Variants in LRP1B observed in about 807,000 individuals in gnomAD.
The protein encoded by LRP1B is low-density lipoprotein receptor-related protein 1B.
A neutral mutation model predicts 556.6 loss-of-function variants in LRP1B; 217 were observed. The ratio of observed to expected loss-of-function variants is 0.39; its 90% CI spans 0.35 to 0.44. LRP1B has a LOEUF of 0.44. LRP1B is among the 20% of genes least tolerant of loss of function. The pLI is 1.00. For missense variants in LRP1B, 5,053 were observed against 5,620.8 expected (o/e 0.90, Z 3.23); for synonymous variants, 2,047 against 1,865.8 (o/e 1.10, Z -2.50).
chr2:140,517,324 T>A (rs989942775), intron 49 of LRP1B, among the ~76,000 whole-genome samples: 31 of 152,096 alleles, frequency 2.0e-4, no homozygotes, highest in African/African-American at 7.5e-4. Context: ...AAAATAAAGT[T>A]AAAAAATAGA....
intron 15 of LRP1B, among the ~76,000 whole-genome samples, chr2:141,002,042 C>A (rs1697440848): frequency 6.6e-6 from 1 of 151,996 alleles, no homozygotes; most frequent in South Asian, 2.1e-4. Flanking sequence ...TGCCTGTTGG[C>A]AAACTGTGGA....
chr2:141,362,828 A>C (rs896773816), intron 3 of LRP1B, among the ~76,000 whole-genome samples: 1 of 152,094 alleles, frequency 6.6e-6, no homozygotes, highest in East Asian at 1.9e-4. Context: ...AAAAAAAAAA[A>C]AAAAACTTAA....
chr2:141,845,003 T>G (rs2105765493), intron 1 of LRP1B, among the ~76,000 whole-genome samples: 1 of 151,824 alleles, frequency 6.6e-6, no homozygotes. Context: ...TGTCAAAAAC[T>G]TAATCTCTTT....
intron 1 of LRP1B, among the ~76,000 whole-genome samples, chr2:141,918,030 T>G (rs1366332099): frequency 6.6e-6 from 1 of 152,090 alleles, no homozygotes; most frequent in East Asian, 1.9e-4. Context: ...TGAAGGGATA[T>G]CCATGTTATT....
At chr2:140,783,297 T>A (rs1485736653) in intron 32 of LRP1B, among the ~76,000 whole-genome samples, 1 of 152,106 alleles carries the variant, frequency 6.6e-6, no homozygotes. Flanking sequence ...AAATCAGCCC[T>A]TCATGTCTAA....
In LRP1B at chr2:140,525,979, T is replaced by C. The variant is rs1013690028; in HGVS notation, c.7891A>G (p.Thr2631Ala). The C allele has an allele frequency of 2.5e-6, 4 of 1,612,060 alleles. No individual in the cohort carries two copies. Among genetic ancestry groups the C allele is most frequent in the Non-Finnish European group, 3.4e-6 (4 of 1,178,808 alleles). ...DEKNCNNTDCTHFYKLGVKTT... is the reference protein window; with the variant it reads ...DEKNCNNTDCAHFYKLGVKTT... ...TTCACTCCAAGCTTATAGAAATGTG[T>C]GCAGTCTGTGTTATCTAGAAGAAGG... Residue 2631 changes from threonine (T) to alanine (A), a missense_variant, in exon 49 of 91, where the codon ACA (threonine) becomes GCA (alanine). Physicochemically the swap from Thr to Ala is moderately conservative, Grantham distance 58 (BLOSUM62 0). This residue lies in a region of LRP1B where 3,619 missense variants were observed against 3,931.9 expected (regional missense o/e 0.92). Coordinates refer to ENST00000389484, the MANE Select transcript of LRP1B (RefSeq NM_018557.3).
intron 7 of LRP1B, among the ~76,000 whole-genome samples, chr2:141,096,665 A>AGAGAGAGAGG (rs1700324594): frequency 3.1e-5 from 4 of 129,358 alleles, no homozygotes; most frequent in Admixed American, 8.0e-5. Context: ...AGAGAGAGAG[A>AGAGAGAGAGG]GAGAGAGAGA....
At chr2:141,684,024 T>C (rs1691200014) in intron 2 of LRP1B, among the ~76,000 whole-genome samples, 1 of 151,974 alleles carries the variant, frequency 6.6e-6, no homozygotes, top group African/African-American at 2.4e-5. Context: ...ATTGTGGAAC[T>C]GATTGTGGAA....
chr2:140,301,942 C>T (rs1191747570), intron 83 of LRP1B, among the ~76,000 whole-genome samples: 1 of 151,564 alleles, frequency 6.6e-6, no homozygotes, highest in Non-Finnish European at 1.5e-5. Context: ...TATACACATA[C>T]CCTATTTCAA....
intron 90 of LRP1B, 163 bp downstream of exon 90, chr2:140,234,623 T>C: frequency 3.7e-6 from 2 of 536,496 alleles, no homozygotes; most frequent in Non-Finnish European, 6.7e-6. Flanking sequence ...TAATCTTGCA[T>C]AGACAGGACA....
chr2:141,851,118 CT>C (rs869081147), intron 1 of LRP1B, among the ~76,000 whole-genome samples: 1 of 59,172 alleles, frequency 1.7e-5, no homozygotes, highest in Non-Finnish European at 3.4e-5. Context: ...TGTTTTCAGT[CT>C]TTATTATAAA....
intron 2 of LRP1B, among the ~76,000 whole-genome samples, chr2:141,617,654 T>G (rs1185427755): frequency 6.6e-6 from 1 of 152,208 alleles, no homozygotes; most frequent in Non-Finnish European, 1.5e-5. Context: ...CAGTAATAAG[T>G]GTTCAAAGCA....
chr2:140,667,391 A>G (rs1191898234), intron 41 of LRP1B, among the ~76,000 whole-genome samples: 1 of 152,224 alleles, frequency 6.6e-6, no homozygotes, highest in Non-Finnish European at 1.5e-5. Context: ...GTTTACCTAA[A>G]GAGCAGTTGA....
At chr2:141,490,473 G>A (rs1422774560) in intron 2 of LRP1B, among the ~76,000 whole-genome samples, 1 of 151,644 alleles carries the variant, frequency 6.6e-6, no homozygotes, top group East Asian at 1.9e-4. Context: ...AATCCAAAAA[G>A]TATAGGTTAA....
At chr2:140,766,843 A>T (rs1461272241) in intron 35 of LRP1B, among the ~76,000 whole-genome samples, 3 of 95,770 alleles carry the variant, frequency 3.1e-5, no homozygotes, top group African/African-American at 1.5e-4. Flanking sequence ...ATATATATAT[A>T]TTATATATAT....
rs35791983 is a variant in LRP1B at position 140,858,501 on chromosome 2, GGAGA to G, written c.4580-6722_4580-6719del. Among the ~76,000 whole-genome samples the G allele has an allele frequency of 7.1e-3, 999 of 139,930 alleles. 8 individuals carry two copies. Among genetic ancestry groups the G allele is most frequent in the Middle Eastern group, 0.022 (6 of 268 alleles). The allele number at this position is 139,930 out of a possible 152,430, so 91.8% of individuals were successfully genotyped here. The stretch of plus-strand genomic sequence containing the variant: ...TATATAATATATATTTTATATATAT[GGAGA>G]GAGAGAGAGAGAGAGAGAGAGAGAA... On this transcript the variant is annotated intron_variant, in intron 27 of 90. Transcript: ENST00000389484.
At position 140,886,181 on chromosome 2, in the gene LRP1B, A is replaced by C. The variant is rs1274610941; in HGVS notation, c.3921T>G (p.Val1307=). The C allele has an allele frequency of 6.2e-7, 1 of 1,610,616 alleles. No homozygotes were observed. Among genetic ancestry groups the C allele is most frequent in the Non-Finnish European group, 8.5e-7 (1 of 1,177,782 alleles). The change falls in exon 24 of 91, where the codon GTT becomes GTG. Residue 1307 remains valine, a synonymous_variant. Transcript: ENST00000389484. The part of the protein sequence containing the change: ...FNQSLLYWTD[V]VEDRIYRGKL... ...TTCCCCGGTATATTCTGTCTTCTAC[A>C]ACATCTGTCCAATAAAGTAAACTTT...
chr2:141,096,679 A>AGGGAGAGAGAGAGG, intron 7 of LRP1B, among the ~76,000 whole-genome samples: 1 of 88,452 alleles, frequency 1.1e-5, no homozygotes, highest in Non-Finnish European at 2.5e-5. Flanking sequence ...AGAGAGAGAG[A>AGGGAGAGAGAGAGG]GAGAGAGAGA....
chr2:140,906,319 T>A (rs750900116), intron 22 of LRP1B, among the ~76,000 whole-genome samples: 5 of 152,156 alleles, frequency 3.3e-5, no homozygotes, highest in Non-Finnish European at 5.9e-5. Context: ...GACAAAGAAA[T>A]GAATTAAGAA....
Sources: gnomAD v4.1 joint callset for allele counts (sites outside exome capture counted in the v4.1 genomes callset) on GRCh38, gnomAD v4.1.1 for gene constraint, gnomAD v4.1.1 regional missense constraint, MANE v1.5 for transcripts, NCBI Gene and HGNC (gene_info 2026-07-23, HGNC 2026-07-21) for gene names.